TEX15: variants seen among roughly 807,000 people sequenced by gnomAD.
TEX15 encodes the protein testis-expressed protein 15.
In TEX15, 171 loss-of-function variants were observed where a neutral mutation model predicts 237.3. That is an observed-to-expected ratio of 0.72 (90% CI 0.64 to 0.82). TEX15 has a LOEUF of 0.82. TEX15 is among the 40% of genes least tolerant of loss of function. The pLI, the probability that TEX15 is intolerant of heterozygous loss-of-function variation, is 0.00. For missense variants in TEX15, 3,750 were observed against 3,646.5 expected (o/e 1.03, Z -0.73); for synonymous variants, 1,338 against 1,269.8 (o/e 1.05, Z -1.14).
chr8:30,859,894 A>G lies in TEX15; in HGVS notation c.687+17T>C. 2.2e-6 allele frequency: 3 copies of G among 1,387,174 alleles called. No homozygotes were observed. The highest frequency in any genetic ancestry group is 2.8e-6 in the Non-Finnish European group (3 of 1,073,530). The allele number at this position is 1,387,174 out of a possible 1,614,324, so 85.9% of individuals were successfully genotyped here. A position where few individuals can be genotyped will look rare whatever the true frequency, so the allele number is the denominator to read the frequency against. ...AAACATGTACTTTTCAAGAAATCAA[A>G]TGAACCATTAACATACTGCTGAACT... On this transcript the variant is annotated intron_variant, in intron 6 of 10. Coordinates refer to ENST00000643185, the MANE Select transcript of TEX15 (RefSeq NM_001350162.2).
At chr8:30,871,753 C>G (rs1808296479) in intron 4 of TEX15, among the ~76,000 whole-genome samples, 1 of 152,118 alleles carries the variant, frequency 6.6e-6, no homozygotes, top group Non-Finnish European at 1.5e-5. Flanking sequence ...CAAAGTCTCA[C>G]TGAATTACTA....
Position 30,842,617 on chromosome 8 carries a change from T to G in TEX15, c.7550A>C (p.Glu2517Ala). 6.2e-7 allele frequency: 1 copy of G among 1,611,384 alleles called. No individual in the cohort carries two copies. The highest frequency in any genetic ancestry group is 8.5e-7 in the Non-Finnish European group (1 of 1,179,796). Reference protein sequence around the residue: ...LWKVIETAVSELKKDLDIICK... With the variant: ...LWKVIETAVSALKKDLDIICK... ...GATAATATCCAGATCTTTCTTAAGT[T>G]CGGAAACAGCAGTCTCTATCACTTT... The change falls in exon 8 of 11, where the codon GAA becomes GCA. Residue 2517 changes from glutamate to alanine, a missense_variant. Glu to Ala is a moderately radical substitution (Grantham distance 107). Transcript: ENST00000643185.
chr8:30,889,280 G>A (rs768317366), intron 2 of TEX15, among the ~76,000 whole-genome samples: 3 of 152,000 alleles, frequency 2.0e-5, no homozygotes, highest in South Asian at 2.1e-4. Flanking sequence ...GTGAAACTCC[G>A]TCTCTACTAA....
At chr8:30,894,032 C>T (rs889888670) in intron 2 of TEX15, among the ~76,000 whole-genome samples, 2 of 152,156 alleles carry the variant, frequency 1.3e-5, no homozygotes, top group Non-Finnish European at 2.9e-5. Flanking sequence ...CTCTCTTCAG[C>T]TAGGTCTAAT....
At chr8:30,888,737 G>C (rs1308559086) in intron 2 of TEX15, 1 of 1,015,114 alleles carries the variant, frequency 9.9e-7, no homozygotes, top group Admixed American at 2.3e-5. Context: ...TCTACAGAAA[G>C]ATCACAAAGG....
intron 7 of TEX15, among the ~76,000 whole-genome samples, chr8:30,853,075 T>G (rs2128769237): frequency 6.6e-6 from 1 of 152,210 alleles, no homozygotes; most frequent in Non-Finnish European, 1.5e-5. Flanking sequence ...ATAATATAGG[T>G]TTTCTCTAAA....
chr8:30,872,526 T>G (rs574877509), intron 4 of TEX15, among the ~76,000 whole-genome samples: 2 of 152,204 alleles, frequency 1.3e-5, no homozygotes, highest in Admixed American at 1.3e-4. Context: ...TTAAAATAAA[T>G]TAATTGTAAG....
rs1807669503 is a variant in TEX15, at chr8:30,848,165, C to T, written c.2002G>A (p.Glu668Lys). The T allele has an allele frequency of 1.2e-6, 2 of 1,610,918 alleles. No individual in the cohort carries two copies. Among genetic ancestry groups the T allele is most frequent in the Non-Finnish European group, 1.7e-6 (2 of 1,179,252 alleles). ...NYIVLHQEYKESESHNSFGKS... is the reference protein window; with the variant it reads ...NYIVLHQEYKKSESHNSFGKS... ...CCAAAAGAATTATGACTCTCACTCT[C>T]TTTGTATTCTTGGTGCAAAACAATG... Residue 668 changes from glutamate to lysine, a missense_variant, in exon 8 of 11, where the codon GAG (glutamate) becomes AAG (lysine). By Grantham distance (56) the Glu-to-Lys change is moderately conservative. Coordinates refer to ENST00000643185, the MANE Select transcript of TEX15 (RefSeq NM_001350162.2).
In TEX15 at chr8:30,851,173, C is replaced by T. The variant is rs921487382; in HGVS notation, c.851-1857G>A. Among the ~76,000 whole-genome samples, 3 of 152,112 alleles carry T rather than the reference C, an allele frequency of 2.0e-5. No homozygotes were observed. The South Asian group carries it at 6.2e-4, about 32-fold the overall frequency. On this transcript the variant is annotated intron_variant, in intron 7 of 10. Transcript: ENST00000643185. ...CCAAAGTTCTATGGACAAGGATCTT[C>T]AGTAAAATAACCCAAGACAGTTAAA...
intron 1 of TEX15, among the ~76,000 whole-genome samples, chr8:30,905,972 AG>A (rs1468466244): frequency 2.0e-5 from 3 of 152,074 alleles, no homozygotes; most frequent in African/African-American, 7.2e-5. Context: ...CTGCAACGCT[AG>A]ACCCATTACC....
At chr8:30,833,348 T>C in intron 10 of TEX15, 25 bp from the exon 11 acceptor site, 1 of 1,555,582 alleles carries the variant, frequency 6.4e-7, no homozygotes, top group East Asian at 2.3e-5. Flanking sequence ...ACCACAAAGA[T>C]TTAAATAAAT....
intron 2 of TEX15, among the ~76,000 whole-genome samples, chr8:30,888,290 G>C (rs1470934135): frequency 6.6e-6 from 1 of 151,950 alleles, no homozygotes; most frequent in South Asian, 2.1e-4. Context: ...TTTAAATCAA[G>C]ATCTCTGGCT....
Position 30,837,435 on chromosome 8 carries a change from T to G in TEX15, c.8849A>C (p.Gln2950Pro). The G allele has an allele frequency of 6.2e-7, 1 of 1,614,208 alleles. No homozygotes were observed. The highest frequency in any genetic ancestry group is 8.5e-7 in the Non-Finnish European group (1 of 1,180,028). ...ICIQNKIPTL[Q>P]INKLQPTETE... Reference sequence around the variant, plus strand: ...TTCTGTAGGCTGTAGTTTGTTTATCTGCAGAGTAGGAATTTTGTTCTGGAT... The same window carrying G: ...TTCTGTAGGCTGTAGTTTGTTTATCGGCAGAGTAGGAATTTTGTTCTGGAT... Residue 2950 changes from glutamine to proline, a missense_variant, in exon 10 of 11, where the codon CAG becomes CCG. Gln to Pro is a moderately conservative substitution (Grantham distance 76). Coordinates refer to ENST00000643185, the MANE Select transcript of TEX15 (RefSeq NM_001350162.2).
At chr8:30,871,152 A>G (rs1459262023) in intron 4 of TEX15, among the ~76,000 whole-genome samples, 1 of 151,972 alleles carries the variant, frequency 6.6e-6, no homozygotes, top group East Asian at 1.9e-4. Context: ...GAGCCCACTA[A>G]TATCACCTCA....
chr8:30,874,247 T>A (rs1004261861), intron 4 of TEX15, among the ~76,000 whole-genome samples: 1 of 152,148 alleles, frequency 6.6e-6, no homozygotes, highest in African/African-American at 2.4e-5. Flanking sequence ...GAGTTCCACA[T>A]GTGGGTCTAT....
In TEX15 at chr8:30,848,472, T is replaced by C; in HGVS notation, c.1695A>G (p.Gln565=). The stretch of plus-strand genomic sequence containing the variant: ...TTGTATAAGCATTACCGGACTCCTG[T>C]TGGGCTCTCTGAGCCTTCTCCTCAC... The part of the protein sequence containing the change: ...NHSEEKAQRA[Q]QESGNAYTKE... Residue 565 remains glutamine (Q), a synonymous_variant, in exon 8 of 11, where the codon CAA becomes CAG. Coordinates refer to ENST00000643185, the MANE Select transcript of TEX15 (RefSeq NM_001350162.2). 4 of 1,614,176 alleles carry C rather than the reference T, an allele frequency of 2.5e-6. No individual in the cohort carries two copies. The highest frequency in any genetic ancestry group is 1.3e-5 in the African/African-American group (1 of 75,050).
chr8:30,847,825 G>GT lies in TEX15; in HGVS notation c.2341dup (p.Thr781AsnfsTer7). The GT allele has an allele frequency of 6.2e-7, 1 of 1,613,848 alleles. No homozygotes were observed. The highest frequency in any genetic ancestry group is 8.5e-7 in the Non-Finnish European group (1 of 1,179,942). On this transcript the variant is annotated frameshift_variant, in exon 8 of 11. Coordinates refer to ENST00000643185, the MANE Select transcript of TEX15 (RefSeq NM_001350162.2). LOFTEE classifies it high-confidence loss of function. Reference sequence around the variant, plus strand: ...TTCTATGTTATAAGATGAAATAACTGTATCAATGAACATTTCTTTGGCCTG... The same window carrying GT: ...TTCTATGTTATAAGATGAAATAACTGTTATCAATGAACATTTCTTTGGCCTG...
At chr8:30,904,204 T>C (rs1360084397) in intron 1 of TEX15, among the ~76,000 whole-genome samples, 1 of 152,208 alleles carries the variant, frequency 6.6e-6, no homozygotes, top group Non-Finnish European at 1.5e-5. Flanking sequence ...CCCACCACTT[T>C]GGGAGGCTCA....
At chr8:30,902,458 C>A (rs1299202317) in intron 1 of TEX15, among the ~76,000 whole-genome samples, 1 of 152,140 alleles carries the variant, frequency 6.6e-6, no homozygotes, top group Non-Finnish European at 1.5e-5. Context: ...TTCAGGCACT[C>A]TGCAAGAAGG....
Sources: gnomAD v4.1 joint callset for allele counts (sites outside exome capture counted in the v4.1 genomes callset) on GRCh38, gnomAD v4.1.1 for gene constraint, MANE v1.5 for transcripts, NCBI Gene and HGNC (gene_info 2026-07-23, HGNC 2026-07-21) for gene names.